The following ACOT11 variants were observed in gnomAD, a reference collection of about 807,000 sequenced individuals.
ACOT11 encodes the protein acyl-coenzyme A thioesterase 11.
A neutral mutation model predicts 77.5 loss-of-function variants in ACOT11; 69 were observed. That is an observed-to-expected ratio of 0.89 (90% confidence interval 0.73 to 1.09). The LOEUF is 1.09. Among genes scored for constraint, ACOT11 ranks in the 50% least tolerant of loss-of-function variants. ACOT11 has a pLI of 0.00. For missense variants in ACOT11, 766 were observed against 813.7 expected (o/e 0.94, Z 0.71); for synonymous variants, 279 against 313.0 (o/e 0.89, Z 1.15).
intron 1 of ACOT11, among the ~76,000 whole-genome samples, chr1:54,575,564 A>G (rs1654082273): frequency 6.8e-6 from 1 of 146,284 alleles, no homozygotes; most frequent in South Asian, 2.1e-4. Flanking sequence ...AGAATTCGGA[A>G]CGCACTGAAA....
chr1:54,606,283 C>T lies in ACOT11; in HGVS notation c.1371-851C>T, dbSNP rs186019782. Among the ~76,000 whole-genome samples, 3 of 152,166 alleles carry T rather than the reference C, an allele frequency of 2.0e-5. No individual in the cohort carries two copies. The East Asian group carries it at 5.8e-4, about 29-fold the overall frequency. On this transcript the variant is annotated intron_variant, in intron 13 of 15. Coordinates refer to ENST00000343744, the MANE Select transcript of ACOT11 (RefSeq NM_147161.4). ...TTCTTGGAGGGAGGCTGGGGTGGGC[C>T]TTGAAGGCCAGACCAAATCTTGATA...
chr1:54,561,093 T>G (rs138431374), intron 1 of ACOT11, among the ~76,000 whole-genome samples: 67 of 35,168 alleles, frequency 1.9e-3, no homozygotes, highest in Middle Eastern at 0.023. Context: ...TTTTTTTTAT[T>G]TTTTTTTATT....
downstream of ACOT11, chr1:54,611,085 G>T (rs1440787906): frequency 6.6e-6 from 6 of 907,712 alleles, no homozygotes; most frequent in East Asian, 7.1e-4. Context: ...ATAAATTCCT[G>T]AACTGTTTTG....
At chr1:54,594,093 C>T in intron 5 of ACOT11, 54 bp downstream of exon 5, 1 of 1,527,658 alleles carries the variant, frequency 6.5e-7, no homozygotes, top group Non-Finnish European at 9.0e-7. Context: ...GGGCACCTGC[C>T]ATGGCGAGTC....
chr1:54,615,937 G>C, intron 15 of ACOT11: 4 of 1,440,782 alleles, frequency 2.8e-6, no homozygotes, highest in African/African-American at 1.4e-5. Flanking sequence ...GGCTGGACTT[G>C]CTTCCCAGTG....
chr1:54,609,761 C>T lies in ACOT11; in HGVS notation c.*649C>T, dbSNP rs758812219. 25 of 1,614,010 alleles carry T rather than the reference C, an allele frequency of 1.5e-5. No homozygotes were observed. Among genetic ancestry groups the T allele is most frequent in the African/African-American group, 4.0e-5 (3 of 74,954 alleles). ...GCGTGCCAGCAAGGCCAGGGATGGC[C>T]GGAGGGCTGCGGGCTCCGCTATTTG... On this transcript the variant is annotated 3_prime_UTR_variant, in exon 16 of 16. Transcript: ENST00000343744.
At chr1:54,549,316 C>A (rs1170969315) in intron 1 of ACOT11, among the ~76,000 whole-genome samples, 5 of 152,186 alleles carry the variant, frequency 3.3e-5, no homozygotes, top group Non-Finnish European at 7.3e-5. Context: ...GGGATGTTGG[C>A]ACTCTGGCTC....
intron 8 of ACOT11, 169 bp downstream of exon 8, chr1:54,599,584 C>A: frequency 1.3e-6 from 1 of 794,834 alleles, no homozygotes; most frequent in Non-Finnish European, 1.7e-6. Flanking sequence ...ATTTTCCCTT[C>A]TTGGGAGCCT....
chr1:54,623,069 G>C (rs763723660), intron 15 of ACOT11, among the ~76,000 whole-genome samples: 4 of 151,494 alleles, frequency 2.6e-5, no homozygotes, highest in Non-Finnish European at 2.9e-5. Context: ...CCAGCTACTC[G>C]GGAGGCTGAG....
At chr1:54,627,291 G>A (rs988281198) in intron 15 of ACOT11, among the ~76,000 whole-genome samples, 3 of 134,732 alleles carry the variant, frequency 2.2e-5, no homozygotes, top group Admixed American at 7.6e-5. Context: ...AGAGGCCGGC[G>A]AGCCGAGCTC....
At position 54,594,775 on chromosome 1, in the gene ACOT11, A is replaced by T. The variant is rs116396373; in HGVS notation, c.607+84A>T. ...CCCCGGGCTCCCACTGGGCAGAGGC[A>T]GGAAGGGAGGCTCCGGGGACTTCCA... On this transcript the variant is annotated intron_variant, in intron 6 of 15. Coordinates refer to ENST00000343744, the MANE Select transcript of ACOT11 (RefSeq NM_147161.4). 2,526 of 1,517,278 alleles carry T rather than the reference A, an allele frequency of 1.7e-3. 42 individuals carry two copies. The African/African-American group carries it at 0.031, about 18-fold the overall frequency. 94.0% of individuals were successfully genotyped at this position (1,517,278 alleles called of 1,614,324 possible).
Position 54,610,027 on chromosome 1 carries a change from T to C in ACOT11, c.*915T>C, listed in dbSNP as rs1569778369. 2.7e-6 allele frequency: 4 copies of C among 1,482,794 alleles called. No individual in the cohort carries two copies. The East Asian group carries it at 9.4e-5, about 35-fold the overall frequency. The allele number at this position is 1,482,794 out of a possible 1,614,324, so 91.9% of individuals were successfully genotyped here. Reference sequence around the variant, plus strand: ...TCCCTTGTTAAAGGGGCAGTGGGAGTTATGGGGTCATCAAGGACCTTGCCT... The same window carrying C: ...TCCCTTGTTAAAGGGGCAGTGGGAGCTATGGGGTCATCAAGGACCTTGCCT... On this transcript the variant is annotated 3_prime_UTR_variant, in exon 16 of 16. Transcript: ENST00000343744.
At chr1:54,633,222 G>T (rs1475096482) in intron 16 of ACOT11, among the ~76,000 whole-genome samples, 2 of 152,174 alleles carry the variant, frequency 1.3e-5, no homozygotes, top group Non-Finnish European at 2.9e-5. Context: ...TAGCACATTG[G>T]CCACTAAGTA....
chr1:54,562,546 C>T (rs1307494903), intron 1 of ACOT11, among the ~76,000 whole-genome samples: 1 of 46,852 alleles, frequency 2.1e-5, no homozygotes, highest in African/African-American at 6.9e-5. Flanking sequence ...GGGGGGCTGA[C>T]CCACCCCCCA....
At chr1:54,601,600 C>T (rs747389974) in intron 9 of ACOT11, among the ~76,000 whole-genome samples, 187 bp downstream of exon 9, 42 of 152,216 alleles carry the variant, frequency 2.8e-4, no homozygotes, top group Non-Finnish European at 4.1e-4. Flanking sequence ...GCAGGGCGGG[C>T]TTGTTCTGCC....
intron 15 of ACOT11, among the ~76,000 whole-genome samples, chr1:54,622,040 A>G (rs1644234601): frequency 6.6e-6 from 1 of 152,068 alleles, no homozygotes; most frequent in Non-Finnish European, 1.5e-5. Flanking sequence ...TTGGGAGGCC[A>G]AGGTGGGCAG....
Position 54,609,653 on chromosome 1 carries a change from A to G in ACOT11, c.*541A>G, listed in dbSNP as rs2101011862. ...AGCTGTAAGCAGCTCTCTGCCAGCC[A>G]CATGGCCGGGGACCGAAAAACTCCC... On this transcript the variant is annotated 3_prime_UTR_variant, in exon 16 of 16. Transcript: ENST00000343744. 1 of 1,614,026 alleles carries G rather than the reference A, an allele frequency of 6.2e-7. No homozygotes were observed.
intron 1 of ACOT11, among the ~76,000 whole-genome samples, chr1:54,560,678 A>G (rs553490039): frequency 1.3e-5 from 2 of 151,132 alleles, no homozygotes; most frequent in Admixed American, 6.6e-5. Context: ...AGTAACTGGT[A>G]CACCTGACCT....
rs566014382 is a variant in ACOT11, at chr1:54,549,827, A to T, written c.33+1485A>T. Among the ~76,000 whole-genome samples, 273 of 152,336 alleles carry T rather than the reference A, an allele frequency of 1.8e-3. 3 individuals are homozygous for T. Among genetic ancestry groups the T allele is most frequent in the African/African-American group, 6.3e-3 (260 of 41,592 alleles). On this transcript the variant is annotated intron_variant, in intron 1 of 15. Transcript: ENST00000343744. ...CCGCTTGCTCTTGTCACCTGAGTGC[A>T]GGGCAGAGTGTCTCCCAGGAGGGAG...
Sources: gnomAD v4.1 joint callset for allele counts (sites outside exome capture counted in the v4.1 genomes callset) on GRCh38, gnomAD v4.1.1 for gene constraint, MANE v1.5 for transcripts, NCBI Gene and HGNC (gene_info 2026-07-23, HGNC 2026-07-21) for gene names.